ZNRF1: variants seen among roughly 807,000 people sequenced by gnomAD.
ZNRF1 encodes the protein zinc and ring finger 1.
A neutral mutation model predicts 18.4 loss-of-function variants in ZNRF1; 3 were observed. That is an observed-to-expected ratio of 0.16 (90% CI 0.07 to 0.42). ZNRF1 has a LOEUF of 0.42. Among genes scored for constraint, ZNRF1 ranks in the 10% least tolerant of loss-of-function variants. ZNRF1 has a pLI of 0.99. For missense variants in ZNRF1, 310 were observed against 329.8 expected (o/e 0.94, Z 0.47); for synonymous variants, 157 against 144.2 (o/e 1.09, Z -0.64).
At position 75,093,577 on chromosome 16, in the gene ZNRF1, A is replaced by C; in HGVS notation, c.430A>C (p.Lys144Gln). The C allele has an allele frequency of 6.2e-7, 1 of 1,613,622 alleles. No homozygotes were observed. Among genetic ancestry groups the C allele is most frequent in the Non-Finnish European group, 8.5e-7 (1 of 1,179,574 alleles). Residue 144 changes from lysine (K) to glutamine (Q), a missense_variant, in exon 2 of 5, where the codon AAG becomes CAG. Lys to Gln is a moderately conservative substitution (Grantham distance 53). Coordinates refer to ENST00000335325, the MANE Select transcript of ZNRF1 (RefSeq NM_032268.5). ...PRWFSSHSGF[K>Q]CPICSKSVAS... Reference sequence around the variant, plus strand: ...CCCATTCTCCTCTCTTTCAGGTTTCAAGTGCCCCATTTGCTCCAAGTCTGT... The same window carrying C: ...CCCATTCTCCTCTCTTTCAGGTTTCCAGTGCCCCATTTGCTCCAAGTCTGT...
At chr16:75,040,159 C>A (rs895970360) in intron 1 of ZNRF1, among the ~76,000 whole-genome samples, 1 of 149,576 alleles carries the variant, frequency 6.7e-6, no homozygotes, top group Non-Finnish European at 1.5e-5. Context: ...ATCCTCCTTC[C>A]TCAGCCTTCC....
chr16:75,078,776 G>C (rs1251475771), intron 1 of ZNRF1, among the ~76,000 whole-genome samples: 1 of 152,192 alleles, frequency 6.6e-6, no homozygotes, highest in Non-Finnish European at 1.5e-5. Flanking sequence ...ATAAACATTT[G>C]TTTGTGAGGA....
chr16:75,026,420 T>C, intron 1 of ZNRF1, among the ~76,000 whole-genome samples: 1 of 152,186 alleles, frequency 6.6e-6, no homozygotes, highest in South Asian at 2.1e-4. Context: ...CTCAGAGCCC[T>C]TTTGGATGAC....
chr16:75,108,660 C>T lies in ZNRF1; in HGVS notation c.*960C>T. On this transcript the variant is annotated 3_prime_UTR_variant, in exon 5 of 5. Coordinates refer to ENST00000335325, the MANE Select transcript of ZNRF1 (RefSeq NM_032268.5). The stretch of plus-strand genomic sequence containing the variant: ...GTTCAAAGCTTGGGAGAAAAGCTTT[C>T]TTCATTAGTCAAGGTGTTTTGATAT... 2.5e-6 allele frequency: 1 copy of T among 398,718 alleles called. No individual in the cohort carries two copies. Among genetic ancestry groups the T allele is most frequent in the Non-Finnish European group, 4.4e-6 (1 of 225,926 alleles). 24.7% of individuals were successfully genotyped at this position (398,718 alleles called of 1,614,324 possible).
intron 1 of ZNRF1, among the ~76,000 whole-genome samples, chr16:75,017,143 C>G (rs934887799): frequency 6.6e-6 from 1 of 152,108 alleles, no homozygotes; most frequent in African/African-American, 2.4e-5. Context: ...CTGTATGTTA[C>G]AGACAACAAC....
intron 1 of ZNRF1, among the ~76,000 whole-genome samples, chr16:75,024,191 A>G (rs1009941746): frequency 6.6e-6 from 1 of 151,954 alleles, no homozygotes; most frequent in African/African-American, 2.4e-5. Context: ...TTAACACAGT[A>G]CTCCAAGTGC....
chr16:75,099,047 G>A (rs551821086), intron 2 of ZNRF1, among the ~76,000 whole-genome samples: 1 of 152,184 alleles, frequency 6.6e-6, no homozygotes, highest in East Asian at 1.9e-4. Flanking sequence ...TCACAGAAAG[G>A]GGGAGATGCA....
intron 1 of ZNRF1, among the ~76,000 whole-genome samples, chr16:75,082,368 C>T (rs9926159): frequency 6.6e-6 from 1 of 151,992 alleles, no homozygotes; most frequent in African/African-American, 2.4e-5. Context: ...GATGCTTTCC[C>T]CATTCTTCAT....
intron 1 of ZNRF1, among the ~76,000 whole-genome samples, chr16:75,032,976 G>A (rs1444294179): frequency 6.6e-6 from 1 of 152,160 alleles, no homozygotes; most frequent in Non-Finnish European, 1.5e-5. Flanking sequence ...GCATGCTGCT[G>A]CACTCCATCT....
At chr16:75,094,512 C>T (rs1426458296) in intron 2 of ZNRF1, among the ~76,000 whole-genome samples, 5 of 152,234 alleles carry the variant, frequency 3.3e-5, no homozygotes, top group African/African-American at 1.2e-4. Context: ...AGTTGCTCAG[C>T]TTAGCGGAGC....
intron 1 of ZNRF1, among the ~76,000 whole-genome samples, chr16:75,073,212 A>G (rs1458827491): frequency 1.3e-5 from 2 of 151,968 alleles, no homozygotes; most frequent in Non-Finnish European, 2.9e-5. Context: ...ATACGTATCT[A>G]TATACATAGA....
chr16:75,071,132 C>G (rs1359993917), intron 1 of ZNRF1, among the ~76,000 whole-genome samples: 2 of 147,686 alleles, frequency 1.4e-5, no homozygotes, highest in Non-Finnish European at 3.0e-5. Flanking sequence ...CTGAGTCTTG[C>G]TCTGTCACGC....
chr16:75,079,622 C>T (rs540565700), intron 1 of ZNRF1, among the ~76,000 whole-genome samples: 6 of 152,214 alleles, frequency 3.9e-5, no homozygotes, highest in Admixed American at 1.3e-4. Context: ...TTCTCTCACC[C>T]TTATCCTTCC....
intron 1 of ZNRF1, among the ~76,000 whole-genome samples, chr16:75,068,690 T>G (rs1259709903): frequency 6.6e-6 from 1 of 151,876 alleles, no homozygotes; most frequent in African/African-American, 2.4e-5. Flanking sequence ...GGGCTGGGGC[T>G]GGCCCTGGGG....
intron 1 of ZNRF1, among the ~76,000 whole-genome samples, chr16:75,060,059 TTTC>T (rs1165297170): frequency 6.6e-6 from 1 of 152,084 alleles, no homozygotes; most frequent in Non-Finnish European, 1.5e-5. Flanking sequence ...ACAGTTTTCT[TTTC>T]TTTTTTTTTT....
intron 1 of ZNRF1, among the ~76,000 whole-genome samples, chr16:75,006,896 T>C (rs921299048): frequency 6.6e-6 from 1 of 152,182 alleles, no homozygotes; most frequent in Non-Finnish European, 1.5e-5. Flanking sequence ...TTTTCACTTC[T>C]GAATCTTAGG....
At chr16:75,032,241 C>T (rs1265109308) in intron 1 of ZNRF1, among the ~76,000 whole-genome samples, 1 of 151,138 alleles carries the variant, frequency 6.6e-6, no homozygotes, top group African/African-American at 2.4e-5. Context: ...TCCTGAGTAG[C>T]TGGGATTATA....
chr16:75,026,139 G>A (rs557501436), intron 1 of ZNRF1, among the ~76,000 whole-genome samples: 1 of 152,256 alleles, frequency 6.6e-6, no homozygotes, highest in African/African-American at 2.4e-5. Context: ...CTAGTGATCT[G>A]CAGAATAATC....
At chr16:75,104,979 G>A in intron 3 of ZNRF1, 90 bp downstream of exon 3, 2 of 1,092,802 alleles carry the variant, frequency 1.8e-6, no homozygotes, top group Non-Finnish European at 2.7e-6. Context: ...TTTGGTTATG[G>A]GATGACCTCT....
Sources: allele counts gnomAD v4.1 joint callset (sites outside exome capture counted in the v4.1 genomes callset), GRCh38; gene constraint gnomAD v4.1.1; transcripts MANE v1.5; gene names NCBI Gene and HGNC (gene_info 2026-07-23, HGNC 2026-07-21).